Variants in SMYD3 observed in about 807,000 individuals in gnomAD.
SMYD3 encodes the protein histone-lysine N-methyltransferase SMYD3.
Under a neutral mutation model 57.7 loss-of-function variants are expected in SMYD3, and 36 were observed. That is an observed-to-expected ratio of 0.62 (90% CI 0.48 to 0.82). SMYD3 has a LOEUF of 0.82. Ranked by LOEUF, SMYD3 falls within the 40% of genes least tolerant of loss-of-function variation. SMYD3 has a pLI of 0.00. For missense variants in SMYD3, 515 were observed against 538.8 expected, an observed-to-expected ratio of 0.96 and a Z score of 0.44; for synonymous variants, 211 against 195.0, an observed-to-expected ratio of 1.08 and a Z score of -0.68.
intron 8 of SMYD3, among the ~76,000 whole-genome samples, chr1:245,868,749 A>G (rs2052017724): frequency 6.6e-6 from 1 of 152,168 alleles, no homozygotes; most frequent in African/African-American, 2.4e-5. Flanking sequence ...GTGTTCCACT[A>G]CGGTAACTGC....
intron 8 of SMYD3, among the ~76,000 whole-genome samples, chr1:245,889,207 G>A (rs1429133707): frequency 6.6e-6 from 1 of 152,162 alleles, no homozygotes; most frequent in Non-Finnish European, 1.5e-5. Context: ...AAGCCTTCAA[G>A]TTCACTGTTG....
At chr1:246,050,484 C>T (rs1248304218) in intron 5 of SMYD3, among the ~76,000 whole-genome samples, 1 of 152,160 alleles carries the variant, frequency 6.6e-6, no homozygotes, top group African/African-American at 2.4e-5. Context: ...ATCTCTATCA[C>T]TGTTGAGGAA....
intron 5 of SMYD3, among the ~76,000 whole-genome samples, chr1:246,080,170 G>A (rs1344246671): frequency 7.1e-6 from 1 of 141,716 alleles, no homozygotes; most frequent in Non-Finnish European, 1.6e-5. Context: ...GGGTCCCCAG[G>A]GCTGCGGACT....
intron 10 of SMYD3, among the ~76,000 whole-genome samples, chr1:245,793,084 G>GCGGA: frequency 6.8e-6 from 1 of 146,566 alleles, no homozygotes; most frequent in African/African-American, 2.6e-5. Context: ...GCCGAGGCGG[G>GCGGA]TGATCACGAA....
At chr1:246,252,378 C>T (rs1196737491) in intron 5 of SMYD3, among the ~76,000 whole-genome samples, 1 of 152,150 alleles carries the variant, frequency 6.6e-6, no homozygotes, top group Non-Finnish European at 1.5e-5. Flanking sequence ...CTACAGGTAC[C>T]GTACCAGATA....
chr1:246,278,917 C>A (rs181239934), intron 5 of SMYD3, among the ~76,000 whole-genome samples: 9 of 152,300 alleles, frequency 5.9e-5, no homozygotes, highest in Non-Finnish European at 1.2e-4. Context: ...AACACAAGCG[C>A]TAGGCAGAGC....
intron 8 of SMYD3, among the ~76,000 whole-genome samples, chr1:245,900,812 A>G (rs1341672606): frequency 2.6e-5 from 4 of 152,228 alleles, no homozygotes; most frequent in Non-Finnish European, 5.9e-5. Context: ...TAAATTCAAG[A>G]GCCTTCTCAT....
chr1:246,094,742 CA>C (rs1327542974), intron 5 of SMYD3, among the ~76,000 whole-genome samples: 1 of 152,206 alleles, frequency 6.6e-6, no homozygotes, highest in African/African-American at 2.4e-5. Context: ...TCACATGAGC[CA>C]TACTTCATTT....
intron 5 of SMYD3, among the ~76,000 whole-genome samples, chr1:246,248,808 ATTTTTTTT>A (rs1164274725): frequency 5.4e-4 from 49 of 90,424 alleles, no homozygotes; most frequent in African/African-American, 2.2e-3. Flanking sequence ...TGCCCGGCTA[ATTTTTTTT>A]TTTTTTTTTT....
At chr1:246,288,931 T>C (rs1253860963) in intron 5 of SMYD3, among the ~76,000 whole-genome samples, 2 of 152,074 alleles carry the variant, frequency 1.3e-5, no homozygotes, top group East Asian at 1.9e-4. Flanking sequence ...TTGGCCAACA[T>C]GGTGAAACCC....
At chr1:246,326,397 T>A (rs1365011597) in intron 5 of SMYD3, 1 of 647,804 alleles carries the variant, frequency 1.5e-6, no homozygotes, top group African/African-American at 2.3e-5. Context: ...GCCTATGGGC[T>A]AGTGAAGAAA....
intron 5 of SMYD3, among the ~76,000 whole-genome samples, chr1:245,989,649 C>T (rs1226246901): frequency 1.3e-5 from 2 of 152,252 alleles, no homozygotes; most frequent in African/African-American, 4.8e-5. Flanking sequence ...TACCTTGTAC[C>T]TTGAAGGGAT....
At chr1:246,506,346 T>G (rs1045833463) in intron 1 of SMYD3, among the ~76,000 whole-genome samples, 1 of 152,166 alleles carries the variant, frequency 6.6e-6, no homozygotes, top group African/African-American at 2.4e-5. Context: ...GCATCTAGAA[T>G]GGTGGTTAAG....
rs370910175 is a variant in SMYD3 at position 245,858,484 on chromosome 1, C to T, written c.1076+12G>A. Reference sequence around the variant, plus strand: ...TCCTAGCCCTTATGTCAGCCCTCTCCCTGGGACTTGCCTGTATGGCTCCAT... The same window carrying T: ...TCCTAGCCCTTATGTCAGCCCTCTCTCTGGGACTTGCCTGTATGGCTCCAT... On this transcript the variant is annotated intron_variant, in intron 10 of 11. Coordinates refer to ENST00000490107, the MANE Select transcript of SMYD3 (RefSeq NM_001167740.2). 1.2e-6 allele frequency: 2 copies of T among 1,610,914 alleles called. No individual in the cohort carries two copies. Among genetic ancestry groups the T allele is most frequent in the East Asian group, 4.5e-5 (2 of 44,864 alleles).
chr1:246,300,969 A>C (rs532296762), intron 5 of SMYD3, among the ~76,000 whole-genome samples: 2 of 152,290 alleles, frequency 1.3e-5, no homozygotes, highest in East Asian at 1.9e-4. Context: ...CTGTCAGTGA[A>C]GTTCATTTTC....
At chr1:246,173,607 C>T (rs1465023280) in intron 5 of SMYD3, among the ~76,000 whole-genome samples, 3 of 152,072 alleles carry the variant, frequency 2.0e-5, no homozygotes, top group Admixed American at 6.5e-5. Context: ...TTGTTAAAAA[C>T]GACGACACAA....
intron 2 of SMYD3, among the ~76,000 whole-genome samples, chr1:246,342,779 G>A (rs756003061): frequency 7.9e-5 from 12 of 152,238 alleles, no homozygotes; most frequent in Middle Eastern, 3.4e-3. Context: ...AAAAAAGAAC[G>A]TGAATAAATG....
chr1:246,055,907 T>C (rs1389096417), intron 5 of SMYD3, among the ~76,000 whole-genome samples: 1 of 152,086 alleles, frequency 6.6e-6, no homozygotes, highest in East Asian at 1.9e-4. Flanking sequence ...TTCTGGATGA[T>C]GAAAAAGAGT....
At chr1:246,271,053 T>G (rs772093202) in intron 5 of SMYD3, among the ~76,000 whole-genome samples, 4 of 152,196 alleles carry the variant, frequency 2.6e-5, no homozygotes, top group Non-Finnish European at 5.9e-5. Flanking sequence ...TGATTTGCAT[T>G]TCCGTCATGA....
Sources: gnomAD v4.1 joint callset for allele counts (sites outside exome capture counted in the v4.1 genomes callset) on GRCh38, gnomAD v4.1.1 for gene constraint, MANE v1.5 for transcripts, NCBI Gene and HGNC (gene_info 2026-07-23, HGNC 2026-07-21) for gene names.